Variants in MYH9 observed in about 807,000 individuals in gnomAD.
MYH9 encodes the protein myosin-9.
In MYH9, 29 loss-of-function variants were observed where a neutral mutation model predicts 241.9. The observed-to-expected ratio is 0.12, with a 90% CI of 0.09 to 0.16. The LOEUF (loss-of-function observed/expected upper bound fraction) is 0.16. Ranked by LOEUF, MYH9 falls within the 10% of genes least tolerant of loss-of-function variation. The pLI, the probability that MYH9 is intolerant of heterozygous loss-of-function variation, is 1.00. For synonymous variants in MYH9, 1,047 were observed against 1,062.6 expected, an observed-to-expected ratio of 0.99 and a Z score of 0.29; for missense variants, 1,803 against 2,595.5, an observed-to-expected ratio of 0.69 and a Z score of 6.63.
chr22:36,336,317 G>C (rs755259285), intron 3 of MYH9, among the ~76,000 whole-genome samples: 1 of 152,202 alleles, frequency 6.6e-6, no homozygotes, highest in Non-Finnish European at 1.5e-5. Context: ...TCCCCATAGG[G>C]GAGACCCCAG....
intron 3 of MYH9, among the ~76,000 whole-genome samples, chr22:36,338,775 G>A (rs1056976053): frequency 2.0e-5 from 3 of 151,090 alleles, no homozygotes; most frequent in African/African-American, 7.3e-5. Context: ...AGCCGAGATC[G>A]TGCCACTGCA....
chr22:36,377,853 A>G (rs1425301869), intron 1 of MYH9, among the ~76,000 whole-genome samples: 2 of 152,122 alleles, frequency 1.3e-5, no homozygotes, highest in East Asian at 1.9e-4. Context: ...GGAGCTTGCA[A>G]TGAGCCGAGA....
chr22:36,295,106 G>T lies in MYH9; in HGVS notation c.3486-30C>A. On this transcript the variant is annotated intron_variant, in intron 26 of 40. Transcript: ENST00000216181. This position sits in a 1 kb window ranked among gnomAD's most constrained non-coding sequence, Gnocchi z 4.1. ...ACAGAGAAATCCCCTCAGAGTGGAG[G>T]CCGGGGATGCTGGAGCGAGGCTGTC... 6.2e-7 allele frequency: 1 copy of T among 1,613,998 alleles called. No homozygotes were observed. Among genetic ancestry groups the T allele is most frequent in the Non-Finnish European group, 8.5e-7 (1 of 1,179,990 alleles).
chr22:36,361,016 G>A (rs1469047628), intron 1 of MYH9, among the ~76,000 whole-genome samples: 2 of 152,162 alleles, frequency 1.3e-5, no homozygotes, highest in Non-Finnish European at 2.9e-5. Flanking sequence ...TCTACAGGGT[G>A]GGTCAATAAA....
chr22:36,348,278 G>A (rs2017710067), intron 2 of MYH9, among the ~76,000 whole-genome samples: 1 of 151,176 alleles, frequency 6.6e-6, no homozygotes, highest in South Asian at 2.1e-4. Context: ...GGAGGCCGAG[G>A]CGGGTGGATC....
intron 1 of MYH9, among the ~76,000 whole-genome samples, chr22:36,384,008 C>A (rs1486143860): frequency 6.7e-6 from 1 of 149,968 alleles, no homozygotes; most frequent in African/African-American, 2.5e-5. Flanking sequence ...TGGTGGCTCA[C>A]GCCTGTAATC....
chr22:36,359,626 G>A (rs993807091), intron 1 of MYH9, among the ~76,000 whole-genome samples: 1 of 152,166 alleles, frequency 6.6e-6, no homozygotes, highest in African/African-American at 2.4e-5. Context: ...CTGTTTTCTA[G>A]AACCTTCTAG....
chr22:36,377,581 A>C (rs2018188409), intron 1 of MYH9, among the ~76,000 whole-genome samples: 1 of 152,176 alleles, frequency 6.6e-6, no homozygotes, highest in South Asian at 2.1e-4. Flanking sequence ...CTTGTTATCA[A>C]GGGACAGGCT....
intron 1 of MYH9, among the ~76,000 whole-genome samples, chr22:36,371,379 C>T (rs932686461): frequency 7.2e-5 from 11 of 152,288 alleles, no homozygotes; most frequent in East Asian, 3.9e-4. Context: ...AGTTGGCAGA[C>T]GGCCATCTAT....
At chr22:36,304,901 G>C (rs968364684) in intron 18 of MYH9, 132 bp downstream of exon 18, 1 of 906,810 alleles carries the variant, frequency 1.1e-6, no homozygotes, top group Non-Finnish European at 1.8e-6. Context: ...AGAGTCAGAC[G>C]CGGAGCATCA....
Position 36,284,431 on chromosome 22 carries a change from C to T in MYH9, c.5564G>A (p.Arg1855Gln), listed in dbSNP as rs746568745. ...KDVLLQVDDERRNAEQYKDQA... is the reference protein window; with the variant it reads ...KDVLLQVDDEQRNAEQYKDQA... Reference sequence around the variant, plus strand: ...GTCCTTGTACTGCTCGGCGTTCCTCCGCTCGTCATCCACCTGCAGCAGCAC... The same window carrying T: ...GTCCTTGTACTGCTCGGCGTTCCTCTGCTCGTCATCCACCTGCAGCAGCAC... Residue 1855 changes from arginine (R) to glutamine (Q), a missense_variant, in exon 39 of 41, where the codon CGG becomes CAG. This residue lies in a region of MYH9 where 876 missense variants were observed against 1,077.8 expected (regional missense o/e 0.81). Transcript: ENST00000216181. 6 of 1,613,112 alleles carry T rather than the reference C, an allele frequency of 3.7e-6. No individual in the cohort carries two copies. The highest frequency in any genetic ancestry group is 2.2e-5 in the East Asian group (1 of 44,896).
chr22:36,381,071 C>T (rs555491585), intron 1 of MYH9, among the ~76,000 whole-genome samples: 11 of 152,294 alleles, frequency 7.2e-5, no homozygotes, highest in African/African-American at 2.2e-4. Flanking sequence ...CACAAAGACC[C>T]TTCCCTCTTA....
chr22:36,377,206 G>C (rs1448228294), intron 1 of MYH9, among the ~76,000 whole-genome samples: 1 of 152,158 alleles, frequency 6.6e-6, no homozygotes, highest in African/African-American at 2.4e-5. Flanking sequence ...CTCACCCGCA[G>C]AGGACAGCGA....
At chr22:36,374,803 G>A (rs1005843931) in intron 1 of MYH9, among the ~76,000 whole-genome samples, 2 of 152,154 alleles carry the variant, frequency 1.3e-5, no homozygotes, top group African/African-American at 4.8e-5. Flanking sequence ...GAGAGGAAAC[G>A]TTTCACCAGC....
chr22:36,304,244 T>C (rs1289403969), intron 18 of MYH9, 89 bp from the exon 19 acceptor site: 23 of 1,341,922 alleles, frequency 1.7e-5, no homozygotes, highest in Middle Eastern at 1.8e-4. Context: ...AGGTGTGCCC[T>C]TCACCCTTCT....
At chr22:36,308,431 ATTTTTT>A (rs112996252) in intron 15 of MYH9, among the ~76,000 whole-genome samples, 1 of 143,552 alleles carries the variant, frequency 7.0e-6, no homozygotes, top group African/African-American at 2.6e-5. Flanking sequence ...CACCCAGCTG[ATTTTTT>A]TTTTTTTAAT....
chr22:36,353,674 A>G (rs754655282), intron 1 of MYH9, among the ~76,000 whole-genome samples: 5 of 152,134 alleles, frequency 3.3e-5, no homozygotes, highest in Admixed American at 6.5e-5. Context: ...AAAACTGCCC[A>G]TAATAAAAAA....
chr22:36,349,133 G>A lies in MYH9; in HGVS notation c.104C>T (p.Pro35Leu), dbSNP rs375000039. 1.9e-6 allele frequency: 3 copies of A among 1,614,054 alleles called. No homozygotes were observed. Among genetic ancestry groups the A allele is most frequent in the Admixed American group, 1.7e-5 (1 of 60,008 alleles). ...DWAAKKLVWV[P>L]SDKSGFEPAS... Reference sequence around the variant, plus strand: ...TGGCTCAAAGCCACTCTTGTCGGAAGGCACCCATACCAGCTTCTTGGCAGC... The same window carrying A: ...TGGCTCAAAGCCACTCTTGTCGGAAAGCACCCATACCAGCTTCTTGGCAGC... The change falls in exon 2 of 41, where the codon CCT becomes CTT. Residue 35 changes from proline (P) to leucine (L), a missense_variant. Transcript: ENST00000216181.
intron 1 of MYH9, among the ~76,000 whole-genome samples, chr22:36,361,284 G>A (rs2017932043): frequency 6.6e-6 from 1 of 151,124 alleles, no homozygotes; most frequent in African/African-American, 2.5e-5. Flanking sequence ...GAAAACCAGA[G>A]AGGAACTTAG....
Sources: gnomAD v4.1 joint callset for allele counts (sites outside exome capture counted in the v4.1 genomes callset) on GRCh38, gnomAD v4.1.1 for gene constraint, gnomAD v4.1.1 regional missense constraint, Gnocchi (gnomAD v3.1) non-coding constraint, MANE v1.5 for transcripts, NCBI Gene and HGNC (gene_info 2026-07-23, HGNC 2026-07-21) for gene names.